The following ANKRD44 variants were observed in gnomAD, a reference collection of about 807,000 sequenced individuals.
The protein encoded by ANKRD44 is serine/threonine-protein phosphatase 6 regulatory ankyrin repeat subunit B.
In ANKRD44, 35 loss-of-function variants were observed where a neutral mutation model predicts 116.0. The ratio of observed to expected loss-of-function variants is 0.30; its 90% CI spans 0.23 to 0.40. The LOEUF is 0.40. Ranked by LOEUF, ANKRD44 falls within the 10% of genes least tolerant of loss-of-function variation. The pLI, the probability that ANKRD44 is intolerant of heterozygous loss-of-function variation, is 1.00. For missense variants in ANKRD44, 1,014 were observed against 1,242.6 expected (o/e 0.82, Z 2.77); for synonymous variants, 435 against 461.8 (o/e 0.94, Z 0.74).
intron 17 of ANKRD44, among the ~76,000 whole-genome samples, chr2:197,018,770 T>C (rs577419507): frequency 5.3e-5 from 8 of 152,366 alleles, no homozygotes; most frequent in African/African-American, 1.9e-4. Flanking sequence ...ACTACTATAT[T>C]TATTACTATT....
chr2:197,276,030 C>G (rs1033152320), intron 1 of ANKRD44, among the ~76,000 whole-genome samples: 1 of 152,074 alleles, frequency 6.6e-6, no homozygotes, highest in Admixed American at 6.5e-5. Context: ...AATCCCAGCA[C>G]TTTGGGAGGC....
chr2:197,233,861 A>G lies in ANKRD44; in HGVS notation c.28-46755T>C, dbSNP rs76247750. ...GCTGTATTTTTCCTCTTTTTCAAAT[A>G]GCCAAATAATACCTAAATATATTTT... On this transcript the variant is annotated intron_variant, in intron 1 of 27. Transcript: ENST00000282272. Among the ~76,000 whole-genome samples, 704 of 152,368 alleles carry G rather than the reference A, an allele frequency of 4.6e-3. 5 individuals carry two copies. Among genetic ancestry groups the G allele is most frequent in the African/African-American group, 0.016 (675 of 41,592 alleles).
intron 16 of ANKRD44, among the ~76,000 whole-genome samples, chr2:197,064,416 A>G (rs1057009303): frequency 6.6e-5 from 10 of 152,350 alleles, no homozygotes; most frequent in African/African-American, 2.2e-4. Context: ...TAACCAGCTA[A>G]CATCATAATG....
chr2:197,063,476 A>C (rs2077362830), intron 16 of ANKRD44, among the ~76,000 whole-genome samples: 1 of 152,214 alleles, frequency 6.6e-6, no homozygotes, highest in African/African-American at 2.4e-5. Flanking sequence ...GAGTTGAGAG[A>C]AGAAGGCTTC....
chr2:197,283,798 A>G (rs6744206), intron 1 of ANKRD44, among the ~76,000 whole-genome samples: 95,708 of 152,010 alleles, frequency 0.63, 30,397 homozygotes, highest in East Asian at 0.71. Context: ...AAATGGGGGC[A>G]GGGAGTAAAG....
rs575516261 is a variant in ANKRD44 at position 197,297,542 on chromosome 2, C to G, written c.27+13036G>C. On this transcript the variant is annotated intron_variant, in intron 1 of 27. Coordinates refer to ENST00000282272, the MANE Select transcript of ANKRD44 (RefSeq NM_001195144.2). ...TTCCCACTTGATTATCACAACTTCC[C>G]CGTAAAGCAAGTATTATTTTACCCA... is the stretch of plus-strand genomic sequence containing the variant. 2.6e-5 allele frequency among the ~76,000 whole-genome samples: 4 copies of G among 152,282 alleles called. No individual in the cohort carries two copies. The South Asian group carries it at 8.3e-4, about 32-fold the overall frequency.
intron 1 of ANKRD44, among the ~76,000 whole-genome samples, chr2:197,278,249 T>C (rs1040898309): frequency 3.3e-5 from 5 of 152,120 alleles, no homozygotes; most frequent in Non-Finnish European, 1.5e-5. Context: ...TTCTGTGTTC[T>C]AATGCAGAAA....
At chr2:197,067,954 A>G (rs1316370508) in intron 16 of ANKRD44, among the ~76,000 whole-genome samples, 2 of 151,642 alleles carry the variant, frequency 1.3e-5, no homozygotes, top group South Asian at 2.1e-4. Context: ...AAGACTTGGA[A>G]CCAACCCAAA....
At chr2:197,261,139 T>C (rs1179671062) in intron 1 of ANKRD44, among the ~76,000 whole-genome samples, 1 of 151,426 alleles carries the variant, frequency 6.6e-6, no homozygotes, top group Non-Finnish European at 1.5e-5. Context: ...GTTTTAGACA[T>C]GAAGTCCTTG....
At chr2:197,129,140 C>CTT (rs761063333) in intron 4 of ANKRD44, among the ~76,000 whole-genome samples, 13 of 142,114 alleles carry the variant, frequency 9.1e-5, no homozygotes, top group African/African-American at 2.3e-4. Context: ...GTTTCTTTTT[C>CTT]TTTTTTTTTT....
At chr2:197,306,979 C>A (rs1387890003) in intron 1 of ANKRD44, among the ~76,000 whole-genome samples, 2 of 152,128 alleles carry the variant, frequency 1.3e-5, no homozygotes, top group African/African-American at 4.8e-5. Flanking sequence ...AAACATGCAA[C>A]AGAACTTACC....
chr2:197,101,222 T>A lies in ANKRD44; in HGVS notation c.986-1292A>T, dbSNP rs2078285367. Among the ~76,000 whole-genome samples the A allele has an allele frequency of 2.0e-5, 3 of 152,064 alleles. No homozygotes were observed. In the South Asian group the frequency reaches 6.2e-4, roughly 32 times the overall value. On this transcript the variant is annotated intron_variant, in intron 9 of 27. Coordinates refer to ENST00000282272, the MANE Select transcript of ANKRD44 (RefSeq NM_001195144.2). ...TTTAGTTTCTGTTAATCCAAAACAATCCTCCTGGCTTTTTTTTTTTAAGTT... is the reference window on the plus strand; with the variant it reads ...TTTAGTTTCTGTTAATCCAAAACAAACCTCCTGGCTTTTTTTTTTTAAGTT...
chr2:197,112,939 T>C (rs1033708433), intron 8 of ANKRD44, among the ~76,000 whole-genome samples: 3 of 151,326 alleles, frequency 2.0e-5, no homozygotes, highest in Non-Finnish European at 4.4e-5. Context: ...ACACATAGTC[T>C]GTGCCAAGAA....
Position 197,212,052 on chromosome 2 carries a change from T to TCACACA in ANKRD44, c.28-24952_28-24947dup, listed in dbSNP as rs375445587. On this transcript the variant is annotated intron_variant, in intron 1 of 27. Transcript: ENST00000282272. This position sits in a 1 kb window ranked among gnomAD's most constrained non-coding sequence, Gnocchi z 4.8. ...CTCTCTCTCTCAGTCTCTCTCTCTC[T>TCACACA]CACACACACACACACACACACACCC... Among the ~76,000 whole-genome samples the TCACACA allele has an allele frequency of 4.5e-4, 66 of 147,998 alleles. No homozygotes were observed. The highest frequency in any genetic ancestry group is 2.2e-3 in the East Asian group (11 of 4,976).
chr2:197,042,288 T>C (rs967215506), intron 16 of ANKRD44, among the ~76,000 whole-genome samples: 4 of 152,138 alleles, frequency 2.6e-5, no homozygotes, highest in African/African-American at 9.7e-5. Flanking sequence ...AAATCTAGCC[T>C]TCTTGGATTC....
At chr2:197,268,440 G>C (rs2082797609) in intron 1 of ANKRD44, among the ~76,000 whole-genome samples, 1 of 152,186 alleles carries the variant, frequency 6.6e-6, no homozygotes, top group African/African-American at 2.4e-5. Context: ...GACTTTCTGT[G>C]AACCAAGCAC....
chr2:197,021,001 A>G (rs879547448), intron 17 of ANKRD44, among the ~76,000 whole-genome samples: 9 of 151,932 alleles, frequency 5.9e-5, no homozygotes, highest in Non-Finnish European at 1.2e-4. Context: ...CCTGTGTCCA[A>G]GTGTTTTCAT....
At chr2:197,186,461 T>TATTTAA (rs1449966966) in intron 2 of ANKRD44, among the ~76,000 whole-genome samples, 2 of 152,034 alleles carry the variant, frequency 1.3e-5, no homozygotes, top group Non-Finnish European at 2.9e-5. Context: ...TGTATCTGGT[T>TATTTAA]ATTTAACCAG....
intron 17 of ANKRD44, among the ~76,000 whole-genome samples, chr2:197,014,655 C>T (rs776959184): frequency 1.3e-5 from 2 of 151,540 alleles, no homozygotes; most frequent in South Asian, 2.1e-4. Flanking sequence ...GGCATGGTGG[C>T]GGTGCCTGTA....
Sources: gnomAD v4.1 joint callset for allele counts (sites outside exome capture counted in the v4.1 genomes callset) on GRCh38, gnomAD v4.1.1 for gene constraint, Gnocchi (gnomAD v3.1) non-coding constraint, MANE v1.5 for transcripts, NCBI Gene and HGNC (gene_info 2026-07-23, HGNC 2026-07-21) for gene names.